WFDC9: variants seen among roughly 807,000 people sequenced by gnomAD.
The protein encoded by WFDC9 is protein WFDC9.
WFDC9 carries 9 observed loss-of-function variants against 9.5 expected under a neutral mutation model. That is an observed-to-expected ratio of 0.95 (90% CI 0.57 to 1.65). The LOEUF is 1.65. Among genes scored for constraint, WFDC9 ranks in the 40% most tolerant of loss-of-function variants. The pLI, the probability that WFDC9 is intolerant of heterozygous loss-of-function variation, is 0.00. For missense variants in WFDC9, 87 were observed against 106.7 expected, an observed-to-expected ratio of 0.82 and a Z score of 0.81; for synonymous variants, 33 against 32.3, an observed-to-expected ratio of 1.02 and a Z score of -0.07.
chr20:45,629,700 C>G (rs1982307946), intron 1 of WFDC9: 1 of 1,332,224 alleles, frequency 7.5e-7, no homozygotes, highest in Admixed American at 2.1e-5. Context: ...CCAGTAGAGG[C>G]AGTGAGGAGC....
chr20:45,608,060 TA>T lies in WFDC9; in HGVS notation c.*49del, dbSNP rs1981767324. 6.2e-7 allele frequency: 1 copy of T among 1,610,032 alleles called. No individual in the cohort carries two copies. Among genetic ancestry groups the T allele is most frequent in the East Asian group, 2.2e-5 (1 of 44,862 alleles). The stretch of plus-strand genomic sequence containing the variant: ...AGAAGGAAGTAGGCAGCACTCTTCT[TA>T]GACCAGATGGTCATCCTTCAGCCCA... On this transcript the variant is annotated 3_prime_UTR_variant, in exon 5 of 5. Coordinates refer to ENST00000326000, the MANE Select transcript of WFDC9 (RefSeq NM_147198.4).
At chr20:45,612,908 AAAT>A (rs1481874737) in intron 2 of WFDC9, among the ~76,000 whole-genome samples, 1 of 152,198 alleles carries the variant, frequency 6.6e-6, no homozygotes, top group Non-Finnish European at 1.5e-5. Context: ...ATAGGAAGGA[AAAT>A]AAGAGTCAAA....
intron 1 of WFDC9, among the ~76,000 whole-genome samples, 184 bp from the exon 2 acceptor site, chr20:45,614,905 A>G (rs1189020148): frequency 6.6e-6 from 1 of 152,122 alleles, no homozygotes; most frequent in East Asian, 1.9e-4. Context: ...TCCTCTGAAA[A>G]GCTGGGAAGA....
chr20:45,623,886 G>A (rs564589368), intron 1 of WFDC9, among the ~76,000 whole-genome samples: 4 of 152,144 alleles, frequency 2.6e-5, no homozygotes, highest in Admixed American at 1.3e-4. Flanking sequence ...TAGCTATGAC[G>A]TTGTATCCTT....
At chr20:45,615,885 A>G (rs1044880549) in intron 1 of WFDC9, among the ~76,000 whole-genome samples, 1 of 150,928 alleles carries the variant, frequency 6.6e-6, no homozygotes, top group African/African-American at 2.4e-5. Flanking sequence ...TGTGCATACC[A>G]TAATTTTAAA....
chr20:45,621,472 G>T (rs74720419), intron 1 of WFDC9, among the ~76,000 whole-genome samples: 3,464 of 152,260 alleles, frequency 0.023, 144 homozygotes, highest in African/African-American at 0.08. Flanking sequence ...TTACAAGGTT[G>T]GCTCTTGGTT....
chr20:45,629,691 C>A, intron 1 of WFDC9: 1 of 1,265,172 alleles, frequency 7.9e-7, no homozygotes, highest in Non-Finnish European at 1.1e-6. Context: ...CCGACTTGGC[C>A]AGTAGAGGCA....
intron 3 of WFDC9, among the ~76,000 whole-genome samples, chr20:45,609,818 T>A (rs767090939): frequency 9.2e-5 from 14 of 152,198 alleles, no homozygotes; most frequent in Non-Finnish European, 1.5e-4. Context: ...TGTTGGTTTT[T>A]CCTCTACTGG....
chr20:45,613,339 CA>C (rs1981901944), intron 2 of WFDC9, among the ~76,000 whole-genome samples: 1 of 152,142 alleles, frequency 6.6e-6, no homozygotes, highest in Admixed American at 6.6e-5. Context: ...ATGAATCCAC[CA>C]AAATGACTCT....
intron 1 of WFDC9, among the ~76,000 whole-genome samples, chr20:45,625,311 C>T (rs1014161674): frequency 2.6e-5 from 4 of 152,200 alleles, no homozygotes; most frequent in East Asian, 3.9e-4. Flanking sequence ...TCCCTCACTC[C>T]ACACATGGGG....
In WFDC9 at chr20:45,608,704, T is replaced by C. The variant is rs1981783008; in HGVS notation, c.198A>G (p.Thr66=). The C allele has an allele frequency of 6.2e-7, 1 of 1,613,988 alleles. No homozygotes were observed. The highest frequency in any genetic ancestry group is 1.3e-5 in the African/African-American group (1 of 74,944). The change falls in exon 4 of 5, where the codon ACA becomes ACG. Residue 66 remains threonine (T), a synonymous_variant. Transcript: ENST00000326000. ...TGTTTCCACAGTAGGTCCAGCAGCA[T>C]GTATGATTTGGACGTACACAAGTCA... ...KIMTCVRPNH[T]CCWTYCGNIC...
At chr20:45,612,914 G>A (rs1205654243) in intron 2 of WFDC9, among the ~76,000 whole-genome samples, 2 of 152,094 alleles carry the variant, frequency 1.3e-5, no homozygotes, top group Non-Finnish European at 2.9e-5. Flanking sequence ...AGGAAAATAA[G>A]AGTCAAAGAA....
At chr20:45,626,782 A>G (rs915022242) in intron 1 of WFDC9, among the ~76,000 whole-genome samples, 2 of 152,002 alleles carry the variant, frequency 1.3e-5, no homozygotes, top group Non-Finnish European at 2.9e-5. Context: ...TTTCTCTTTC[A>G]TGATTGATCT....
At chr20:45,618,231 G>A (rs2093838936) in intron 1 of WFDC9, among the ~76,000 whole-genome samples, 1 of 152,166 alleles carries the variant, frequency 6.6e-6, no homozygotes, top group Non-Finnish European at 1.5e-5. Context: ...TGAAGAGTTG[G>A]GGTCTTTCTC....
chr20:45,629,920 C>G, intron 1 of WFDC9: 1 of 1,612,178 alleles, frequency 6.2e-7, no homozygotes, highest in Middle Eastern at 1.9e-4. Flanking sequence ...TGATGGGCTG[C>G]TGGATGGGTG....
At chr20:45,626,023 T>C (rs193163357) in intron 1 of WFDC9, among the ~76,000 whole-genome samples, 207 of 152,024 alleles carry the variant, frequency 1.4e-3, no homozygotes, top group African/African-American at 3.9e-3. Flanking sequence ...GGTTTTGCTA[T>C]GTTGGCCAGG....
chr20:45,615,764 AAT>A (rs150673845), intron 1 of WFDC9, among the ~76,000 whole-genome samples: 13,395 of 152,142 alleles, frequency 0.088, 585 homozygotes, highest in Middle Eastern at 0.11. Flanking sequence ...AACAGTTTCT[AAT>A]AGTTTTCTTA....
At chr20:45,626,843 A>G (rs1210593181) in intron 1 of WFDC9, among the ~76,000 whole-genome samples, 2 of 152,204 alleles carry the variant, frequency 1.3e-5, no homozygotes, top group African/African-American at 4.8e-5. Flanking sequence ...AGTGAGCAGC[A>G]TGCTCATGGA....
At chr20:45,626,872 A>C (rs1222571215) in intron 1 of WFDC9, among the ~76,000 whole-genome samples, 1 of 152,194 alleles carries the variant, frequency 6.6e-6, no homozygotes, top group Non-Finnish European at 1.5e-5. Flanking sequence ...GAGGCTCCCT[A>C]GCCTTTCCTC....
Sources: allele counts gnomAD v4.1 joint callset (sites outside exome capture counted in the v4.1 genomes callset), GRCh38; gene constraint gnomAD v4.1.1; transcripts MANE v1.5; gene names NCBI Gene and HGNC (gene_info 2026-07-23, HGNC 2026-07-21).